PEAK1: variants seen among roughly 807,000 people sequenced by gnomAD.
The protein encoded by PEAK1 is inactive tyrosine-protein kinase PEAK1.
Under a neutral mutation model 124.7 loss-of-function variants are expected in PEAK1, and 54 were observed. That is an observed-to-expected ratio of 0.43 (90% CI 0.35 to 0.54). The LOEUF (loss-of-function observed/expected upper bound fraction) is 0.54. PEAK1 is among the 20% of genes least tolerant of loss of function. PEAK1 has a pLI of 0.01. For synonymous variants in PEAK1, 719 were observed against 760.0 expected (o/e 0.95, Z 0.89); for missense variants, 2,046 against 2,134.5 (o/e 0.96, Z 0.82).
At chr15:77,132,400 A>G (rs557123303) in intron 9 of PEAK1, among the ~76,000 whole-genome samples, 3 of 151,860 alleles carry the variant, frequency 2.0e-5, no homozygotes, top group South Asian at 2.1e-4. Context: ...ACCTACTTTA[A>G]AAGGACTTCT....
At chr15:77,354,516 T>A (rs1277509447) in intron 2 of PEAK1, among the ~76,000 whole-genome samples, 2 of 152,158 alleles carry the variant, frequency 1.3e-5, no homozygotes, top group Non-Finnish European at 2.9e-5. Context: ...CTGGTGAGAA[T>A]CCTTCAAGAG....
chr15:77,249,283 C>A (rs931475528), intron 6 of PEAK1, among the ~76,000 whole-genome samples: 1 of 151,998 alleles, frequency 6.6e-6, no homozygotes, highest in Non-Finnish European at 1.5e-5. Flanking sequence ...TCAAATTATT[C>A]TTTGTCTGTA....
intron 1 of PEAK1, among the ~76,000 whole-genome samples, chr15:77,387,156 G>T (rs1463358904): frequency 6.6e-6 from 1 of 152,016 alleles, no homozygotes; most frequent in African/African-American, 2.4e-5. Context: ...TCCCATTAAG[G>T]CCTGATTACA....
chr15:77,343,429 T>C (rs1301408894), intron 2 of PEAK1, among the ~76,000 whole-genome samples: 1 of 152,112 alleles, frequency 6.6e-6, no homozygotes, highest in East Asian at 1.9e-4. Context: ...TTCACTCTGT[T>C]AATAGTGTCC....
At chr15:77,392,980 CT>C (rs2141939908) in intron 1 of PEAK1, among the ~76,000 whole-genome samples, 1 of 152,324 alleles carries the variant, frequency 6.6e-6, no homozygotes, top group African/African-American at 2.4e-5. Flanking sequence ...GAGCACACCG[CT>C]TGTGGGACTT....
chr15:77,354,893 G>A (rs555662437), intron 2 of PEAK1, among the ~76,000 whole-genome samples: 2 of 152,166 alleles, frequency 1.3e-5, no homozygotes, highest in South Asian at 2.1e-4. Context: ...CAAAAAATTA[G>A]CCGGGTGTGG....
intron 6 of PEAK1, among the ~76,000 whole-genome samples, chr15:77,207,758 T>C (rs2058730348): frequency 6.6e-6 from 1 of 152,176 alleles, no homozygotes; most frequent in South Asian, 2.1e-4. Context: ...GGTGGATACA[T>C]TACACAGTTG....
At position 77,308,012 on chromosome 15, in the gene PEAK1, A is replaced by C. The variant is rs753403728; in HGVS notation, c.-602-21508T>G. 3.3e-5 allele frequency among the ~76,000 whole-genome samples: 5 copies of C among 152,216 alleles called. No individual in the cohort carries two copies. In the South Asian group the frequency reaches 8.3e-4, roughly 25 times the overall value. On this transcript the variant is annotated intron_variant, in intron 2 of 9. Transcript: ENST00000682557. ...TTTAGTTACAGGCTTCATAATACTT[A>C]GTGTTAGGAATATACTAGCTGCTTA...
intron 3 of PEAK1, among the ~76,000 whole-genome samples, chr15:77,285,697 A>G (rs2062889803): frequency 6.6e-6 from 1 of 152,030 alleles, no homozygotes; most frequent in African/African-American, 2.4e-5. Context: ...GTTGCTAATC[A>G]TTTGATATCC....
At chr15:77,192,656 GC>G (rs2057895154) in intron 6 of PEAK1, among the ~76,000 whole-genome samples, 1 of 152,128 alleles carries the variant, frequency 6.6e-6, no homozygotes, top group Non-Finnish European at 1.5e-5. Flanking sequence ...GAGGTGCTGG[GC>G]CCCTGGCCCT....
intron 6 of PEAK1, among the ~76,000 whole-genome samples, chr15:77,240,914 C>A (rs767122535): frequency 2.0e-5 from 3 of 152,158 alleles, no homozygotes; most frequent in Admixed American, 6.5e-5. Context: ...ACAGTCTATT[C>A]CAGAAGAGGA....
chr15:77,416,834 T>G (rs1350017391), intron 1 of PEAK1, among the ~76,000 whole-genome samples: 2 of 152,368 alleles, frequency 1.3e-5, no homozygotes, highest in East Asian at 1.9e-4. Context: ...CAATATTACT[T>G]TTTATACTGA....
chr15:77,348,980 T>C (rs1020239610), intron 2 of PEAK1: 12 of 938,580 alleles, frequency 1.3e-5, no homozygotes, highest in Non-Finnish European at 1.5e-5. Flanking sequence ...CTTTCTTACT[T>C]ATAATTTAAC....
intron 1 of PEAK1, among the ~76,000 whole-genome samples, chr15:77,368,021 T>C (rs567133064): frequency 6.6e-6 from 1 of 152,324 alleles, no homozygotes; most frequent in African/African-American, 2.4e-5. Flanking sequence ...AAGTTGTGAC[T>C]ATAAAAACTG....
intron 1 of PEAK1, among the ~76,000 whole-genome samples, chr15:77,380,085 T>C (rs964442066): frequency 6.6e-6 from 1 of 152,236 alleles, no homozygotes; most frequent in African/African-American, 2.4e-5. Flanking sequence ...TGTTTTATCT[T>C]GTTTTTTTAG....
chr15:77,377,964 C>G (rs1218105171), intron 1 of PEAK1, among the ~76,000 whole-genome samples: 1 of 152,092 alleles, frequency 6.6e-6, no homozygotes, highest in Admixed American at 6.5e-5. Context: ...TGAGCTTGGA[C>G]ATGTAAAAAC....
At chr15:77,277,033 A>C (rs2062366467) in intron 5 of PEAK1, among the ~76,000 whole-genome samples, 1 of 152,144 alleles carries the variant, frequency 6.6e-6, no homozygotes, top group Non-Finnish European at 1.5e-5. Context: ...CCATATAAAG[A>C]GATATACTTT....
intron 1 of PEAK1, among the ~76,000 whole-genome samples, chr15:77,415,304 C>A (rs564612361): frequency 9.1e-4 from 139 of 152,354 alleles, no homozygotes; most frequent in African/African-American, 3.2e-3. Context: ...TCCCTTACCT[C>A]CACCCCATCC....
intron 6 of PEAK1, among the ~76,000 whole-genome samples, chr15:77,205,999 C>T (rs1421217178): frequency 1.6e-5 from 2 of 124,132 alleles, no homozygotes; most frequent in African/African-American, 3.1e-5. Flanking sequence ...ATCACAGTCC[C>T]CAGAGTGTGA....
Sources: allele counts gnomAD v4.1 joint callset (sites outside exome capture counted in the v4.1 genomes callset), GRCh38; gene constraint gnomAD v4.1.1; transcripts MANE v1.5; gene names NCBI Gene and HGNC (gene_info 2026-07-23, HGNC 2026-07-21).